Variants in SHANK2 observed in about 807,000 individuals in gnomAD.
The protein encoded by SHANK2 is SH3 and multiple ankyrin repeat domains 2.
A neutral mutation model predicts 133.7 loss-of-function variants in SHANK2; 43 were observed. That is an observed-to-expected ratio of 0.32 (90% confidence interval 0.25 to 0.41). The LOEUF is 0.41. SHANK2 is among the 10% of genes least tolerant of loss of function. The pLI is 1.00. For missense variants in SHANK2, 1,994 were observed against 2,235.8 expected, an observed-to-expected ratio of 0.89 and a Z score of 2.18; for synonymous variants, 1,017 against 952.8, an observed-to-expected ratio of 1.07 and a Z score of -1.24.
intron 11 of SHANK2, among the ~76,000 whole-genome samples, chr11:70,846,119 C>G (rs1337153435): frequency 6.6e-6 from 1 of 152,224 alleles, no homozygotes; most frequent in Non-Finnish European, 1.5e-5. Flanking sequence ...TCCAGTGGGA[C>G]AGCACCCCCA....
intron 6 of SHANK2, among the ~76,000 whole-genome samples, chr11:71,097,093 G>A (rs1369177912): frequency 5.9e-5 from 9 of 152,302 alleles, no homozygotes; most frequent in African/African-American, 1.9e-4. Flanking sequence ...GGCTTCCAGG[G>A]CCATCCAATG....
intron 17 of SHANK2, among the ~76,000 whole-genome samples, chr11:70,526,569 A>G (rs1442994704): frequency 4.6e-5 from 7 of 152,248 alleles, no homozygotes; most frequent in African/African-American, 1.2e-4. Context: ...TGGCTTCTAT[A>G]ACCTGCTGAG....
chr11:70,829,714 T>C (rs1473239593), intron 11 of SHANK2, among the ~76,000 whole-genome samples: 1 of 152,172 alleles, frequency 6.6e-6, no homozygotes, highest in African/African-American at 2.4e-5. Context: ...TTCAATTCTT[T>C]CAATAAGCAG....
intron 17 of SHANK2, among the ~76,000 whole-genome samples, chr11:70,556,778 G>A (rs1345216526): frequency 1.3e-5 from 2 of 152,022 alleles, no homozygotes; most frequent in Non-Finnish European, 1.5e-5. Flanking sequence ...TTTTAGTAGA[G>A]ATGGGGTTTC....
intron 10 of SHANK2, among the ~76,000 whole-genome samples, chr11:70,916,501 G>A (rs1315689722): frequency 6.6e-6 from 1 of 152,164 alleles, no homozygotes; most frequent in Non-Finnish European, 1.5e-5. Context: ...GTATGTGTGT[G>A]CGTGTACACA....
At position 70,749,732 on chromosome 11, in the gene SHANK2, A is replaced by G. The variant is rs142502465; in HGVS notation, c.1777+48711T>C. On this transcript the variant is annotated intron_variant, in intron 14 of 25. Coordinates refer to ENST00000601538, the MANE Select transcript of SHANK2 (RefSeq NM_012309.5). ...CAACATCTGAAACAATCCAATGGAC[A>G]GCCTTAGTAGGATAAAAGTGACGAA... Among the ~76,000 whole-genome samples, 228 of 152,370 alleles carry G rather than the reference A, an allele frequency of 1.5e-3. 1 individual carries two copies. Among genetic ancestry groups the G allele is most frequent in the Non-Finnish European group, 2.5e-3 (172 of 68,034 alleles).
chr11:70,578,299 T>G (rs1387093636), intron 17 of SHANK2, among the ~76,000 whole-genome samples: 1 of 152,218 alleles, frequency 6.6e-6, no homozygotes, highest in Non-Finnish European at 1.5e-5. Context: ...CAGAGACTCC[T>G]GCTCCCCCAA....
chr11:70,661,601 G>A lies in SHANK2; in HGVS notation c.1931C>T (p.Ala644Val). ...CTCAGAGCGGCTGCTCTTACCTTTG[G>A]CCCCTCGAAGCACGAATCCAAAGCC... ...NEGFGFVLRGAKADTPIEEFT... is the reference protein window; with the variant it reads ...NEGFGFVLRGVKADTPIEEFT... The change falls in exon 16 of 26, where the codon GCC becomes GTC. Residue 644 changes from alanine (A) to valine (V), a missense_variant. Around this residue, in one of 5 missense-constraint regions of SHANK2, gnomAD observed 14 missense variants for 42.4 expected, o/e 0.33. Transcript: ENST00000601538. 1 of 1,612,022 alleles carries A rather than the reference G, an allele frequency of 6.2e-7. No homozygotes were observed. Among genetic ancestry groups the A allele is most frequent in the Non-Finnish European group, 8.5e-7 (1 of 1,179,632 alleles).
chr11:70,937,401 C>T lies in SHANK2; in HGVS notation c.1108-40834G>A, dbSNP rs377565662. On this transcript the variant is annotated intron_variant, in intron 10 of 25. Coordinates refer to ENST00000601538, the MANE Select transcript of SHANK2 (RefSeq NM_012309.5). ...GCCTGATGGAGGCTCCCCAGGACCT[C>T]GCTTCCCTGAGAGCCCGGTGAGGCC... 2.0e-5 allele frequency among the ~76,000 whole-genome samples: 3 copies of T among 152,254 alleles called. No individual in the cohort carries two copies. The South Asian group carries it at 6.2e-4, about 32-fold the overall frequency.
intron 14 of SHANK2, among the ~76,000 whole-genome samples, chr11:70,748,024 GCTGAAACGGGGGTTATCTTGTCCACT>G (rs144737978): frequency 0.012 from 1,785 of 152,302 alleles, 33 homozygotes; most frequent in African/African-American, 0.041. Context: ...GAACAGTGGA[GCTGAAACGGGGGTTATCTTGTCCACT>G]CTGTACACCT....
At chr11:70,699,141 G>A (rs782174661) in intron 14 of SHANK2, among the ~76,000 whole-genome samples, 14 of 152,094 alleles carry the variant, frequency 9.2e-5, no homozygotes, top group African/African-American at 2.9e-4. Flanking sequence ...GCATTCTGCC[G>A]TGGTGCTGCT....
chr11:70,500,850 C>T lies in SHANK2; in HGVS notation c.2288-260G>A, dbSNP rs1443939213. 9.9e-6 allele frequency: 7 copies of T among 706,794 alleles called. No homozygotes were observed. Among genetic ancestry groups the T allele is most frequent in the Non-Finnish European group, 1.8e-5 (7 of 379,068 alleles). 43.8% of individuals were successfully genotyped at this position (706,794 alleles called of 1,614,324 possible). On this transcript the variant is annotated intron_variant, in intron 20 of 25. Transcript: ENST00000601538. The surrounding 1 kb of genome is among the most constrained non-coding windows in gnomAD (Gnocchi z 4.5). ...CTGCCTGGCAGTGGAAAGGGGCTTT[C>T]CTTCTTCCTCAGCACCCCTTGTCCC... is the stretch of plus-strand genomic sequence containing the variant.
intron 12 of SHANK2, among the ~76,000 whole-genome samples, chr11:70,816,111 C>T (rs527788998): frequency 4.8e-4 from 73 of 152,334 alleles, no homozygotes; most frequent in Non-Finnish European, 9.6e-4. Context: ...TGAAGACGAC[C>T]CTAAGAGTGG....
At chr11:71,057,796 GC>G (rs1950938145) in intron 9 of SHANK2, among the ~76,000 whole-genome samples, 1 of 151,106 alleles carries the variant, frequency 6.6e-6, no homozygotes, top group African/African-American at 2.4e-5. Flanking sequence ...TGATCTGCAG[GC>G]CTCTACCTCC....
intron 14 of SHANK2, among the ~76,000 whole-genome samples, chr11:70,786,869 T>C (rs1396628455): frequency 2.0e-5 from 3 of 151,088 alleles, no homozygotes; most frequent in African/African-American, 4.9e-5. Context: ...ACCAGCATCA[T>C]TGCTAGTCAC....
intron 9 of SHANK2, among the ~76,000 whole-genome samples, chr11:71,068,326 C>T (rs1403340242): frequency 6.6e-6 from 1 of 152,178 alleles, no homozygotes; most frequent in Non-Finnish European, 1.5e-5. Context: ...CAGTCCTAGA[C>T]AACAGAAGAC....
Position 70,840,150 on chromosome 11 carries a change from G to A in SHANK2, c.1175-19468C>T, listed in dbSNP as rs187259517. Among the ~76,000 whole-genome samples, 140 of 152,284 alleles carry A rather than the reference G, an allele frequency of 9.2e-4. No individual in the cohort carries two copies. The Middle Eastern group carries it at 0.01, about 11-fold the overall frequency. ...GCTTTGAGGACTCAGGCATTGTCACGGTCACAGCTTCCCAGGCAGTGAAAG... is the reference window on the plus strand; with the variant it reads ...GCTTTGAGGACTCAGGCATTGTCACAGTCACAGCTTCCCAGGCAGTGAAAG... On this transcript the variant is annotated intron_variant, in intron 11 of 25. Transcript: ENST00000601538.
In SHANK2 at chr11:70,631,408, A is replaced by ACC. The variant is rs536367218; in HGVS notation, c.2061+28418_2061+28419dup. Among the ~76,000 whole-genome samples the ACC allele has an allele frequency of 6.3e-4, 94 of 148,906 alleles. 1 individual carries two copies. The highest frequency in any genetic ancestry group is 1.2e-3 in the African/African-American group (48 of 40,330). On this transcript the variant is annotated intron_variant, in intron 17 of 25. Coordinates refer to ENST00000601538, the MANE Select transcript of SHANK2 (RefSeq NM_012309.5). ...CACACACACACACACACACACACACACCCACACAACCTCCCTCCCACCTGC... is the reference window on the plus strand; with the variant it reads ...CACACACACACACACACACACACACACCCCCACACAACCTCCCTCCCACCTGC...
Position 70,562,062 on chromosome 11 carries a change from T to C in SHANK2, c.2062-59131A>G, listed in dbSNP as rs183885693. ...GATTTCTACTTTGATCCCGGTGTTA[T>C]TTAAAATAATACTATTTACTTTCCT... On this transcript the variant is annotated intron_variant, in intron 17 of 25. Coordinates refer to ENST00000601538, the MANE Select transcript of SHANK2 (RefSeq NM_012309.5). Among the ~76,000 whole-genome samples the C allele has an allele frequency of 1.0e-4, 16 of 152,384 alleles. 1 individual carries two copies. Among genetic ancestry groups the C allele is most frequent in the Admixed American group, 6.5e-4 (10 of 15,306 alleles).
Sources: gnomAD v4.1 joint callset for allele counts (sites outside exome capture counted in the v4.1 genomes callset) on GRCh38, gnomAD v4.1.1 for gene constraint, gnomAD v4.1.1 regional missense constraint, Gnocchi (gnomAD v3.1) non-coding constraint, MANE v1.5 for transcripts, NCBI Gene and HGNC (gene_info 2026-07-23, HGNC 2026-07-21) for gene names.